Variants in RAPGEF1 observed in about 807,000 individuals in gnomAD.
The protein encoded by RAPGEF1 is Rap guanine nucleotide exchange factor 1, also known as CRK SH3-binding GNRP.
RAPGEF1 carries 33 observed loss-of-function variants against 143.3 expected under a neutral mutation model. That is an observed-to-expected ratio of 0.23 (90% CI 0.17 to 0.31). The LOEUF is 0.31. Ranked by LOEUF, RAPGEF1 falls within the 10% of genes least tolerant of loss-of-function variation. The probability of loss-of-function intolerance (pLI) is 1.00; values close to 1 mark genes in which losing one functional copy is unlikely to be tolerated. For synonymous variants in RAPGEF1, 629 were observed against 676.5 expected, an observed-to-expected ratio of 0.93 and a Z score of 1.09; for missense variants, 1,199 against 1,645.4, an observed-to-expected ratio of 0.73 and a Z score of 4.69.
chr9:131,683,928 T>C (rs965058367), intron 1 of RAPGEF1, among the ~76,000 whole-genome samples: 1 of 152,280 alleles, frequency 6.6e-6, no homozygotes, highest in Non-Finnish European at 1.5e-5. Flanking sequence ...GCACCCTTTT[T>C]ACATCACTCA....
In RAPGEF1 at chr9:131,589,925, T is replaced by G; in HGVS notation, c.2828A>C (p.Asn943Thr). 6.2e-7 allele frequency: 1 copy of G among 1,613,884 alleles called. No individual in the cohort carries two copies. The highest frequency in any genetic ancestry group is 8.5e-7 in the Non-Finnish European group (1 of 1,179,830). ...CACCCGTACCAGCACGAAGAACGTG[T>G]TCTTGCTGACGCGCTTCTTGAATGT... ...ADTFKKRVSK[N>T]TFFVLVRVVD... The change falls in exon 19 of 27, where the codon AAC (asparagine) becomes ACC (threonine). Residue 943 changes from asparagine to threonine, a missense_variant. Physicochemically the swap from Asn to Thr is moderately conservative, Grantham distance 65 (BLOSUM62 0). Around this residue, in one of 6 missense-constraint regions of RAPGEF1, gnomAD observed 209 missense variants for 403.0 expected, o/e 0.52. Coordinates refer to ENST00000683357, the MANE Select transcript of RAPGEF1 (RefSeq NM_001377935.1).
rs1403226100 is a variant in RAPGEF1 at position 131,670,527 on chromosome 9, C to A, written c.62-19578G>T. Among the ~76,000 whole-genome samples, 6 of 152,294 alleles carry A rather than the reference C, an allele frequency of 3.9e-5. No individual in the cohort carries two copies. The East Asian group carries it at 9.6e-4, about 24-fold the overall frequency. ...AAGAGGAGAAGAAAAGACTTCCAGGCCAGGACTGCTTGTAAAAGTGAATTA... is the reference window on the plus strand; with the variant it reads ...AAGAGGAGAAGAAAAGACTTCCAGGACAGGACTGCTTGTAAAAGTGAATTA... On this transcript the variant is annotated intron_variant, in intron 1 of 26. Coordinates refer to ENST00000683357, the MANE Select transcript of RAPGEF1 (RefSeq NM_001377935.1).
At chr9:131,615,477 C>A (rs1323717161) in intron 12 of RAPGEF1, among the ~76,000 whole-genome samples, 1 of 152,168 alleles carries the variant, frequency 6.6e-6, no homozygotes, top group African/African-American at 2.4e-5. Flanking sequence ...GAAGCCTGTG[C>A]AGGGGACGGT....
At chr9:131,716,408 T>C (rs1835866903) in intron 1 of RAPGEF1, among the ~76,000 whole-genome samples, 1 of 152,288 alleles carries the variant, frequency 6.6e-6, no homozygotes, top group African/African-American at 2.4e-5. Flanking sequence ...GCCCTCAGTA[T>C]GGGAAAGGGA....
At chr9:131,657,194 TGA>T (rs1475887948) in intron 1 of RAPGEF1, among the ~76,000 whole-genome samples, 1 of 152,184 alleles carries the variant, frequency 6.6e-6, no homozygotes, top group Non-Finnish European at 1.5e-5. Context: ...TGCCCTCACA[TGA>T]ACACTGCTGT....
chr9:131,578,048 G>C lies in RAPGEF1; in HGVS notation c.*1449C>G, dbSNP rs1588127557. On this transcript the variant is annotated 3_prime_UTR_variant, in exon 27 of 27. Coordinates refer to ENST00000683357, the MANE Select transcript of RAPGEF1 (RefSeq NM_001377935.1). ...GAACTGGGCTAAGTAAGCACAGTTA[G>C]ACCCTGCTGTTCACTTGACCACGTC... The C allele has an allele frequency of 6.6e-6, 1 of 152,236 alleles. No individual in the cohort carries two copies. Among genetic ancestry groups the C allele is most frequent in the Admixed American group, 6.5e-5 (1 of 15,284 alleles). 9.4% of individuals were successfully genotyped at this position (152,236 alleles called of 1,614,324 possible). A position where few individuals can be genotyped will look rare whatever the true frequency, so the allele number is the denominator to read the frequency against.
chr9:131,674,110 A>G (rs1386903489), intron 1 of RAPGEF1, among the ~76,000 whole-genome samples: 4 of 152,194 alleles, frequency 2.6e-5, no homozygotes, highest in Non-Finnish European at 5.9e-5. Context: ...TTTGCTTTAC[A>G]AATTGAACCA....
At chr9:131,720,927 G>T (rs1331890561) in intron 1 of RAPGEF1, among the ~76,000 whole-genome samples, 1 of 152,114 alleles carries the variant, frequency 6.6e-6, no homozygotes, top group Non-Finnish European at 1.5e-5. Flanking sequence ...AACAATTTGA[G>T]ATTTGATGTG....
chr9:131,632,290 G>A (rs1394107680), intron 5 of RAPGEF1, among the ~76,000 whole-genome samples: 8 of 134,928 alleles, frequency 5.9e-5, no homozygotes, highest in African/African-American at 2.2e-4. Context: ...CACTGCACCC[G>A]GCTAATTTTT....
At chr9:131,633,654 G>A (rs188419885) in intron 5 of RAPGEF1, among the ~76,000 whole-genome samples, 11 of 152,138 alleles carry the variant, frequency 7.2e-5, no homozygotes, top group Admixed American at 4.6e-4. Flanking sequence ...CAAAGATGAC[G>A]TCATGATCCC....
chr9:131,602,092 G>C lies in RAPGEF1; in HGVS notation c.2470C>G (p.Pro824Ala), dbSNP rs201097012. The change falls in exon 15 of 27, where the codon CCT becomes GCT. Residue 824 changes from proline (P) to alanine (A), a missense_variant. Coordinates refer to ENST00000683357, the MANE Select transcript of RAPGEF1 (RefSeq NM_001377935.1). ...CTGCCGTCTCTGCTGTCCTTCCCAGGGACGCCGCTGACCGCTGAGGGATCT... is the reference window on the plus strand; with the variant it reads ...CTGCCGTCTCTGCTGTCCTTCCCAGCGACGCCGCTGACCGCTGAGGGATCT... ...PRDPSAVSGV[P>A]GKDSRDGSER... The C allele has an allele frequency of 6.2e-7, 1 of 1,604,676 alleles. No homozygotes were observed. The highest frequency in any genetic ancestry group is 1.7e-5 in the Admixed American group (1 of 58,842).
At chr9:131,708,268 C>T (rs1024932033) in intron 1 of RAPGEF1, among the ~76,000 whole-genome samples, 6 of 152,200 alleles carry the variant, frequency 3.9e-5, no homozygotes, top group Admixed American at 2.6e-4. Context: ...TGATCAAATG[C>T]TACCGCAACT....
At position 131,583,592 on chromosome 9, in the gene RAPGEF1, G is replaced by A. The variant is rs949017948; in HGVS notation, c.3414+719C>T. 1.2e-4 allele frequency among the ~76,000 whole-genome samples: 18 copies of A among 152,106 alleles called. No individual in the cohort carries two copies. The highest frequency in any genetic ancestry group is 4.1e-4 in the African/African-American group (17 of 41,410). The stretch of plus-strand genomic sequence containing the variant: ...ACTTGGGTCCCTGACATGACCCCTG[G>A]GTGGCCTGGCTGACACTCAAAAGCC... On this transcript the variant is annotated intron_variant, in intron 24 of 26. Transcript: ENST00000683357. This position sits in a 1 kb window ranked among gnomAD's most constrained non-coding sequence, Gnocchi z 4.7.
At chr9:131,652,159 A>G (rs1306765684) in intron 1 of RAPGEF1, among the ~76,000 whole-genome samples, 1 of 152,204 alleles carries the variant, frequency 6.6e-6, no homozygotes, top group Non-Finnish European at 1.5e-5. Flanking sequence ...CCTTCACTAA[A>G]TTTATTTTTA....
At chr9:131,710,391 C>A (rs1188691371) in intron 1 of RAPGEF1, among the ~76,000 whole-genome samples, 2 of 152,194 alleles carry the variant, frequency 1.3e-5, no homozygotes, top group Non-Finnish European at 2.9e-5. Flanking sequence ...ACTTTGGGAA[C>A]AATTTTGCTG....
At chr9:131,622,132 C>G (rs544602256) in intron 10 of RAPGEF1, 134 bp from the exon 11 acceptor site, 1 of 839,636 alleles carries the variant, frequency 1.2e-6, no homozygotes, top group Non-Finnish European at 1.9e-6. Flanking sequence ...AGACGGAGCA[C>G]GGAGGACTTT....
At chr9:131,679,906 G>T (rs375414333) in intron 1 of RAPGEF1, among the ~76,000 whole-genome samples, 1 of 152,246 alleles carries the variant, frequency 6.6e-6, no homozygotes, top group African/African-American at 2.4e-5. Context: ...AGAGGAGTTA[G>T]AAGTGGGAAG....
At chr9:131,670,046 G>C (rs1030612317) in intron 1 of RAPGEF1, among the ~76,000 whole-genome samples, 7 of 152,130 alleles carry the variant, frequency 4.6e-5, no homozygotes, top group Admixed American at 2.0e-4. Context: ...CTGAAGCCTC[G>C]AAGTGACCCT....
At chr9:131,738,983 G>A (rs1328241025) in intron 1 of RAPGEF1, among the ~76,000 whole-genome samples, 1 of 152,088 alleles carries the variant, frequency 6.6e-6, no homozygotes, top group Non-Finnish European at 1.5e-5. Flanking sequence ...AGGAGCACCC[G>A]CCCACTTCAC....
Sources: gnomAD v4.1 joint callset for allele counts (sites outside exome capture counted in the v4.1 genomes callset) on GRCh38, gnomAD v4.1.1 for gene constraint, gnomAD v4.1.1 regional missense constraint, Gnocchi (gnomAD v3.1) non-coding constraint, MANE v1.5 for transcripts, NCBI Gene and HGNC (gene_info 2026-07-23, HGNC 2026-07-21) for gene names.